The following KIAA0825 variants were observed in gnomAD, a reference collection of about 807,000 sequenced individuals.
KIAA0825 encodes the protein KIAA0825, also known as uncharacterized protein KIAA0825.
A neutral mutation model predicts 147.6 loss-of-function variants in KIAA0825; 119 were observed. That is an observed-to-expected ratio of 0.81 (90% CI 0.69 to 0.94). The LOEUF (loss-of-function observed/expected upper bound fraction) is 0.94. Ranked by LOEUF, KIAA0825 falls within the 40% of genes least tolerant of loss-of-function variation. The pLI, the probability that KIAA0825 is intolerant of heterozygous loss-of-function variation, is 0.00. For synonymous variants in KIAA0825, 470 were observed against 518.1 expected (o/e 0.91, Z 1.26); for missense variants, 1,381 against 1,472.7 (o/e 0.94, Z 1.02).
intron 18 of KIAA0825, 73 bp from the exon 19 acceptor site, chr5:94,386,477 T>A: frequency 8.4e-7 from 1 of 1,194,162 alleles, no homozygotes; most frequent in Non-Finnish European, 1.2e-6. Context: ...CTGATCAATA[T>A]CCAAATTTAT....
intron 1 of KIAA0825, among the ~76,000 whole-genome samples, chr5:94,609,543 G>A (rs1243387694): frequency 6.6e-6 from 1 of 152,066 alleles, no homozygotes; most frequent in African/African-American, 2.4e-5. Flanking sequence ...TAAGATTACT[G>A]AGACCAAAAG....
chr5:94,543,351 G>A (rs1238879434), intron 2 of KIAA0825, among the ~76,000 whole-genome samples: 1 of 152,192 alleles, frequency 6.6e-6, no homozygotes, highest in Admixed American at 6.5e-5. Flanking sequence ...GCTAAGGCAG[G>A]AGAATTGCTT....
chr5:94,324,497 G>A (rs1434659593), intron 20 of KIAA0825, among the ~76,000 whole-genome samples: 1 of 151,826 alleles, frequency 6.6e-6, no homozygotes, highest in African/African-American at 2.4e-5. Flanking sequence ...ACAATAGCAT[G>A]GCAACAAATA....
chr5:94,489,731 C>T (rs1018923395), intron 5 of KIAA0825, among the ~76,000 whole-genome samples: 2 of 151,466 alleles, frequency 1.3e-5, no homozygotes, highest in Non-Finnish European at 2.9e-5. Flanking sequence ...ACTAATAATA[C>T]AAAAATTAGC....
At chr5:94,274,421 T>C (rs1377130936) in intron 20 of KIAA0825, among the ~76,000 whole-genome samples, 2 of 152,122 alleles carry the variant, frequency 1.3e-5, no homozygotes, top group Admixed American at 1.3e-4. Context: ...ACCACCAGAA[T>C]TTACATTTAT....
intron 1 of KIAA0825, among the ~76,000 whole-genome samples, chr5:94,603,156 T>C (rs531837512): frequency 7.9e-5 from 12 of 151,894 alleles, no homozygotes; most frequent in Admixed American, 7.2e-4. Flanking sequence ...AGCATGAAAA[T>C]TGACTAATAT....
At chr5:94,157,853 G>T (rs901731939) in intron 20 of KIAA0825, among the ~76,000 whole-genome samples, 2 of 152,096 alleles carry the variant, frequency 1.3e-5, no homozygotes, top group Non-Finnish European at 2.9e-5. Flanking sequence ...GACATGCATA[G>T]TAAAACATGA....
chr5:94,539,754 G>A (rs1772900192), intron 2 of KIAA0825, among the ~76,000 whole-genome samples: 2 of 152,036 alleles, frequency 1.3e-5, no homozygotes, highest in Admixed American at 1.3e-4. Flanking sequence ...CCAACCTTGG[G>A]TTAGAGACCC....
chr5:94,321,141 T>C (rs1217597988), intron 20 of KIAA0825, among the ~76,000 whole-genome samples: 1 of 151,998 alleles, frequency 6.6e-6, no homozygotes, highest in Non-Finnish European at 1.5e-5. Context: ...ATAAATGGCC[T>C]ACTACTATGA....
rs1186968660 is a variant in KIAA0825, at chr5:94,152,869, T to A, written c.*1138A>T. On this transcript the variant is annotated 3_prime_UTR_variant, in exon 21 of 21. Coordinates refer to ENST00000682413, the MANE Select transcript of KIAA0825 (RefSeq NM_001145678.3). ...AAAAAAAAAAAATTATATATATATA[T>A]ATATATATATATATATATATATATA... is the stretch of plus-strand genomic sequence containing the variant. The A allele has an allele frequency of 5.2e-4, 9 of 17,398 alleles. No homozygotes were observed. The highest frequency in any genetic ancestry group is 3.7e-3 in the East Asian group (2 of 538). 1.1% of individuals were successfully genotyped at this position (17,398 alleles called of 1,614,324 possible).
intron 1 of KIAA0825, among the ~76,000 whole-genome samples, chr5:94,592,287 C>G (rs1784489316): frequency 1.3e-5 from 2 of 152,084 alleles, no homozygotes; most frequent in South Asian, 4.1e-4. Flanking sequence ...GTAAATACAC[C>G]CATTCCAAAT....
intron 20 of KIAA0825, among the ~76,000 whole-genome samples, chr5:94,377,147 GTT>G (rs960643850): frequency 6.6e-6 from 1 of 152,156 alleles, no homozygotes; most frequent in African/African-American, 2.4e-5. Context: ...TCTAATCTCT[GTT>G]TCCTCTCAGA....
intron 14 of KIAA0825, among the ~76,000 whole-genome samples, chr5:94,427,535 C>CA (rs1202370576): frequency 1.3e-5 from 2 of 151,178 alleles, no homozygotes; most frequent in Admixed American, 6.6e-5. Context: ...GACCCTGTCT[C>CA]AAAAAAAAGA....
chr5:94,165,163 G>T (rs1033207538), intron 20 of KIAA0825, among the ~76,000 whole-genome samples: 2 of 151,994 alleles, frequency 1.3e-5, no homozygotes, highest in Non-Finnish European at 2.9e-5. Flanking sequence ...CAACTCTACA[G>T]AAAAAAAGTC....
At chr5:94,539,386 T>C (rs1157963238) in intron 2 of KIAA0825, among the ~76,000 whole-genome samples, 1 of 152,206 alleles carries the variant, frequency 6.6e-6, no homozygotes, top group Non-Finnish European at 1.5e-5. Context: ...CCCTGAATTC[T>C]TTCTTGCACA....
chr5:94,588,051 A>T (rs2152383312), intron 1 of KIAA0825, among the ~76,000 whole-genome samples: 1 of 152,368 alleles, frequency 6.6e-6, no homozygotes, highest in Non-Finnish European at 1.5e-5. Context: ...TTCAAGATGG[A>T]TTAAAGACTT....
At chr5:94,169,311 A>C (rs764062554) in intron 20 of KIAA0825, among the ~76,000 whole-genome samples, 4 of 152,144 alleles carry the variant, frequency 2.6e-5, no homozygotes, top group Non-Finnish European at 5.9e-5. Flanking sequence ...GCAGGGTGCA[A>C]TGGTTCATGC....
intron 6 of KIAA0825, among the ~76,000 whole-genome samples, chr5:94,481,516 A>C (rs1762496140): frequency 6.6e-6 from 1 of 152,088 alleles, no homozygotes; most frequent in Non-Finnish European, 1.5e-5. Flanking sequence ...AAGAGACTAC[A>C]TCCAAGAGAT....
chr5:94,330,775 A>C (rs1305916531), intron 20 of KIAA0825, among the ~76,000 whole-genome samples: 1 of 152,150 alleles, frequency 6.6e-6, no homozygotes, highest in African/African-American at 2.4e-5. Flanking sequence ...AAATTGATCA[A>C]CCTTTTCAGA....
Sources: gnomAD v4.1 joint callset for allele counts (sites outside exome capture counted in the v4.1 genomes callset) on GRCh38, gnomAD v4.1.1 for gene constraint, MANE v1.5 for transcripts, NCBI Gene and HGNC (gene_info 2026-07-23, HGNC 2026-07-21) for gene names.